USH2A: variants seen among roughly 807,000 people sequenced by gnomAD.
USH2A encodes Usher syndrome 2A (autosomal recessive, mild).
In USH2A, 443 loss-of-function variants were observed where a neutral mutation model predicts 538.9. That is an observed-to-expected ratio of 0.82 (90% CI 0.76 to 0.89). USH2A has a LOEUF of 0.89. USH2A is among the 40% of genes least tolerant of loss of function. The pLI, the probability that USH2A is intolerant of heterozygous loss-of-function variation, is 0.00. For synonymous variants in USH2A, 2,413 were observed against 2,273.5 expected, an observed-to-expected ratio of 1.06 and a Z score of -1.75; for missense variants, 6,633 against 6,324.8, an observed-to-expected ratio of 1.05 and a Z score of -1.65.
At chr1:216,211,465 G>T (rs1386521118) in intron 15 of USH2A, among the ~76,000 whole-genome samples, 2 of 152,070 alleles carry the variant, frequency 1.3e-5, no homozygotes, top group Non-Finnish European at 2.9e-5. Context: ...AGAACAGAGG[G>T]GGAAAATGTT....
chr1:215,798,060 G>A (rs7416880), intron 50 of USH2A, among the ~76,000 whole-genome samples: 4,306 of 152,228 alleles, frequency 0.028, 72 homozygotes, highest in Middle Eastern at 0.041. Context: ...TGACTAAGGG[G>A]TTTTAGACTC....
intron 60 of USH2A, among the ~76,000 whole-genome samples, chr1:215,734,834 G>A (rs113489133): frequency 6.6e-6 from 1 of 152,072 alleles, no homozygotes; most frequent in African/African-American, 2.4e-5. Flanking sequence ...CATTAGTCTG[G>A]TCTTCACTGT....
chr1:215,864,701 G>A (rs904214786), intron 44 of USH2A, among the ~76,000 whole-genome samples: 9 of 152,170 alleles, frequency 5.9e-5, no homozygotes, highest in Admixed American at 2.0e-4. Flanking sequence ...GGAGGAGGAA[G>A]GAAATATGGC....
chr1:215,637,422 A>G (rs1656529582), intron 69 of USH2A, among the ~76,000 whole-genome samples: 1 of 152,220 alleles, frequency 6.6e-6, no homozygotes, highest in African/African-American at 2.4e-5. Context: ...CATTGCAAAG[A>G]AAAAGTCCCA....
chr1:216,152,476 G>A (rs1244854027), intron 21 of USH2A, among the ~76,000 whole-genome samples: 4 of 146,684 alleles, frequency 2.7e-5, no homozygotes, highest in Non-Finnish European at 6.0e-5. Flanking sequence ...TGCCCACTGA[G>A]CACCTTGCGA....
At chr1:215,633,634 T>A (rs956202653) in intron 70 of USH2A, among the ~76,000 whole-genome samples, 5 of 152,114 alleles carry the variant, frequency 3.3e-5, no homozygotes, top group African/African-American at 1.2e-4. Flanking sequence ...CTAGCTAATA[T>A]AGAACCTTAG....
chr1:215,752,457 A>T (rs899945424), intron 58 of USH2A, among the ~76,000 whole-genome samples: 5 of 152,164 alleles, frequency 3.3e-5, no homozygotes, highest in Non-Finnish European at 7.4e-5. Context: ...AATATTTACC[A>T]AGGCTTTAAA....
chr1:216,010,966 C>A (rs1013390002), intron 32 of USH2A, among the ~76,000 whole-genome samples: 2 of 152,034 alleles, frequency 1.3e-5, no homozygotes, highest in Non-Finnish European at 1.5e-5. Flanking sequence ...AACCTAATCA[C>A]CCTTACCCCT....
rs1666478585 is a variant in USH2A, at chr1:215,935,848, C to A, written c.7121-1053G>T. 1.3e-5 allele frequency among the ~76,000 whole-genome samples: 2 copies of A among 151,856 alleles called. 1 individual carries two copies. The highest frequency in any genetic ancestry group is 4.2e-4 in the South Asian group (2 of 4,792). On this transcript the variant is annotated intron_variant, in intron 37 of 71. Coordinates refer to ENST00000307340, the MANE Select transcript of USH2A (RefSeq NM_206933.4). The stretch of plus-strand genomic sequence containing the variant: ...GATTAAGAGTACCACCCAGGCTAGG[C>A]AACATAGCAAGTCCTCATCTCTAAA...
At chr1:216,066,067 A>AT (rs1284762604) in intron 30 of USH2A, among the ~76,000 whole-genome samples, 3 of 152,146 alleles carry the variant, frequency 2.0e-5, no homozygotes, top group South Asian at 2.1e-4. Context: ...TAAATTTGCA[A>AT]TTTTTTTCAA....
intron 12 of USH2A, among the ~76,000 whole-genome samples, chr1:216,249,101 T>G (rs998848825): frequency 6.6e-6 from 1 of 151,978 alleles, no homozygotes; most frequent in Non-Finnish European, 1.5e-5. Context: ...CAAGGTGAAA[T>G]TGAATAAAGT....
chr1:215,781,981 G>A (rs1352323417), intron 54 of USH2A, 61 bp downstream of exon 54: 1 of 1,608,378 alleles, frequency 6.2e-7, no homozygotes, highest in African/African-American at 1.3e-5. Flanking sequence ...TCACAACCTG[G>A]ATGTTCAGAT....
intron 61 of USH2A, among the ~76,000 whole-genome samples, chr1:215,705,950 G>A (rs893812918): frequency 5.3e-5 from 8 of 152,210 alleles, no homozygotes; most frequent in African/African-American, 9.7e-5. Flanking sequence ...TGCCTCAAGA[G>A]TATCTCAAAG....
intron 21 of USH2A, among the ~76,000 whole-genome samples, chr1:216,137,607 A>ATT (rs2102607780): frequency 6.6e-6 from 1 of 152,298 alleles, no homozygotes; most frequent in East Asian, 1.9e-4. Flanking sequence ...GAAAGCATCC[A>ATT]GCCCAGGAGA....
intron 47 of USH2A, among the ~76,000 whole-genome samples, chr1:215,818,327 C>T (rs1662916896): frequency 6.6e-6 from 1 of 151,440 alleles, no homozygotes; most frequent in African/African-American, 2.4e-5. Flanking sequence ...AAATAAATGC[C>T]CAAATTGAGA....
chr1:215,995,698 G>C (rs1256847189), intron 34 of USH2A, among the ~76,000 whole-genome samples: 1 of 152,142 alleles, frequency 6.6e-6, no homozygotes. Flanking sequence ...AAGCCTGAGA[G>C]CCATTAAAAT....
At chr1:215,963,493 G>C (rs967780584) in intron 37 of USH2A, among the ~76,000 whole-genome samples, 4 of 152,010 alleles carry the variant, frequency 2.6e-5, no homozygotes, top group Non-Finnish European at 5.9e-5. Context: ...CAATTTGTCT[G>C]TTTTGCTTTT....
At chr1:216,351,839 C>CAAAAA (rs368599423) in intron 4 of USH2A, among the ~76,000 whole-genome samples, 1 of 139,326 alleles carries the variant, frequency 7.2e-6, no homozygotes, top group African/African-American at 2.6e-5. Flanking sequence ...TTTTGCAAAA[C>CAAAAA]AAAAAAAAAA....
chr1:216,046,780 T>C (rs2030539291), intron 31 of USH2A, among the ~76,000 whole-genome samples, 188 bp from the exon 32 acceptor site: 1 of 152,202 alleles, frequency 6.6e-6, no homozygotes, highest in East Asian at 1.9e-4. Flanking sequence ...TTTATGAGAA[T>C]TTGTGTCAAT....
Sources: gnomAD v4.1 joint callset for allele counts (sites outside exome capture counted in the v4.1 genomes callset) on GRCh38, gnomAD v4.1.1 for gene constraint, MANE v1.5 for transcripts, NCBI Gene and HGNC (gene_info 2026-07-23, HGNC 2026-07-21) for gene names.